The following ANKRD18A variants were observed in gnomAD, a reference collection of about 807,000 sequenced individuals.
The protein encoded by ANKRD18A is ankyrin repeat domain-containing protein 18A.
A neutral mutation model predicts 110.6 loss-of-function variants in ANKRD18A; 72 were observed. The observed-to-expected ratio is 0.65, with a 90% CI of 0.54 to 0.79. ANKRD18A has a LOEUF of 0.79. Ranked by LOEUF, ANKRD18A falls within the 30% of genes least tolerant of loss-of-function variation. The pLI is 0.00. For missense variants in ANKRD18A, 934 were observed against 1,163.3 expected (o/e 0.80, Z 2.87); for synonymous variants, 305 against 410.3 (o/e 0.74, Z 3.10).
At chr9:38,587,476 A>G (rs1824436450) in intron 11 of ANKRD18A, among the ~76,000 whole-genome samples, 1 of 152,174 alleles carries the variant, frequency 6.6e-6, no homozygotes, top group African/African-American at 2.4e-5. Context: ...TTTCTGTAAA[A>G]CAGAAGTTTA....
intron 8 of ANKRD18A, among the ~76,000 whole-genome samples, chr9:38,597,065 T>C (rs1317964374): frequency 3.3e-5 from 5 of 152,128 alleles, no homozygotes; most frequent in African/African-American, 1.2e-4. Context: ...TACTTCTAGT[T>C]CTCCATCAGA....
At chr9:38,599,501 G>A (rs1825031712) in intron 8 of ANKRD18A, among the ~76,000 whole-genome samples, 1 of 147,966 alleles carries the variant, frequency 6.8e-6, no homozygotes, top group Non-Finnish European at 1.5e-5. Flanking sequence ...TTTCACTCTT[G>A]TTGCCCAGGC....
At chr9:38,611,463 C>T in intron 3 of ANKRD18A, 142 bp from the exon 4 acceptor site, 1 of 1,430,868 alleles carries the variant, frequency 7.0e-7, no homozygotes, top group Non-Finnish European at 9.2e-7. Context: ...CCTTTCACTC[C>T]TCTGTGCTTT....
intron 1 of ANKRD18A, among the ~76,000 whole-genome samples, chr9:38,618,262 A>G (rs1391384145): frequency 6.6e-6 from 1 of 152,174 alleles, no homozygotes; most frequent in African/African-American, 2.4e-5. Flanking sequence ...GGAACAAAAA[A>G]CTTTAAAATA....
At chr9:38,573,232 C>T (rs1485603098) in intron 15 of ANKRD18A, 3 of 533,574 alleles carry the variant, frequency 5.6e-6, no homozygotes, top group Middle Eastern at 5.7e-4. Flanking sequence ...TTTTTAGTGA[C>T]TAGACATAAC....
intron 1 of ANKRD18A, among the ~76,000 whole-genome samples, chr9:38,616,529 T>G (rs1825860858): frequency 1.3e-5 from 2 of 152,264 alleles, no homozygotes; most frequent in African/African-American, 4.8e-5. Context: ...TATACCTCAC[T>G]GCAGCCTGGC....
At chr9:38,612,793 A>G (rs995360707) in intron 3 of ANKRD18A, among the ~76,000 whole-genome samples, 9 of 152,056 alleles carry the variant, frequency 5.9e-5, no homozygotes, top group African/African-American at 2.2e-4. Flanking sequence ...CTGGGATTAC[A>G]GGTGTGAGCC....
chr9:38,602,841 T>C (rs1825179222), intron 7 of ANKRD18A, among the ~76,000 whole-genome samples: 1 of 152,116 alleles, frequency 6.6e-6, no homozygotes, highest in Non-Finnish European at 1.5e-5. Context: ...CAGTTACAGT[T>C]TTTGAAAAAA....
At position 38,620,264 on chromosome 9, in the gene ANKRD18A, C is replaced by T. The variant is rs1396573893; in HGVS notation, c.22G>A (p.Gly8Arg). ...AGGAGCGCCTGGCCCAGGCGTCTCC[C>T]GAAGCTGAAGAGCTTCCTCATGGTG... MRKLFSFGRRLGQALLSS... is the reference protein window; with the variant it reads MRKLFSFRRRLGQALLSS... Residue 8 changes from glycine (G) to arginine (R), a missense_variant, in exon 1 of 16, where the codon GGG (glycine) becomes AGG (arginine). By Grantham distance (125) the Gly-to-Arg change is moderately radical. Around this residue, in one of 4 missense-constraint regions of ANKRD18A, gnomAD observed 630 missense variants for 797.5 expected, o/e 0.79. Coordinates refer to ENST00000399703, the MANE Select transcript of ANKRD18A (RefSeq NM_147195.4). The T allele has an allele frequency of 1.3e-6, 2 of 1,551,054 alleles. No individual in the cohort carries two copies. Among genetic ancestry groups the T allele is most frequent in the Non-Finnish European group, 1.7e-6 (2 of 1,146,770 alleles).
chr9:38,599,886 C>G (rs1825048422), intron 8 of ANKRD18A, among the ~76,000 whole-genome samples: 1 of 152,176 alleles, frequency 6.6e-6, no homozygotes, highest in South Asian at 2.1e-4. Flanking sequence ...TAATTTGCTT[C>G]TTTTGTTTCT....
intron 8 of ANKRD18A, among the ~76,000 whole-genome samples, chr9:38,597,623 T>A (rs1411285118): frequency 6.6e-6 from 1 of 152,120 alleles, no homozygotes; most frequent in Non-Finnish European, 1.5e-5. Flanking sequence ...CTGAATTACA[T>A]CAATTACCAG....
Position 38,586,318 on chromosome 9 carries a change from G to A in ANKRD18A, c.2118-6C>T, listed in dbSNP as rs776729651. 1 of 1,549,944 alleles carries A rather than the reference G, an allele frequency of 6.5e-7. No individual in the cohort carries two copies. The highest frequency in any genetic ancestry group is 1.4e-5 in the African/African-American group (1 of 72,416). On this transcript the variant is annotated splice_polypyrimidine_tract_variant and splice_region_variant and intron_variant, in intron 11 of 15. Transcript: ENST00000399703. ...TTTCTAGGCATTTCTTATATCTGCA[G>A]AAATGTAAGAACTAGTAAGTCAAGT...
At chr9:38,607,547 T>A (rs1825417262) in intron 5 of ANKRD18A, 54 bp from the exon 6 acceptor site, 1 of 1,220,052 alleles carries the variant, frequency 8.2e-7, no homozygotes, top group Non-Finnish European at 1.1e-6. Flanking sequence ...ATGAAAAATA[T>A]TTGCCAAACA....
intron 10 of ANKRD18A, among the ~76,000 whole-genome samples, chr9:38,593,351 G>A (rs979188286): frequency 2.6e-5 from 4 of 152,174 alleles, no homozygotes; most frequent in Admixed American, 6.5e-5. Flanking sequence ...AAATGAATAC[G>A]CACAGCTGCT....
intron 11 of ANKRD18A, among the ~76,000 whole-genome samples, chr9:38,588,069 C>T (rs891833288): frequency 1.3e-5 from 2 of 152,204 alleles, no homozygotes; most frequent in African/African-American, 4.8e-5. Flanking sequence ...GCCTGGGTGA[C>T]AGAGCCAGAC....
rs140016296 is a variant in ANKRD18A, at chr9:38,580,218, C to T, written c.2248-2070G>A. On this transcript the variant is annotated intron_variant, in intron 12 of 15. Coordinates refer to ENST00000399703, the MANE Select transcript of ANKRD18A (RefSeq NM_147195.4). Reference sequence around the variant, plus strand: ...GCCAAAAGTTCCAGAGCAGCCTGAACAACATAGAGAGACATCTCTACAAAG... The same window carrying T: ...GCCAAAAGTTCCAGAGCAGCCTGAATAACATAGAGAGACATCTCTACAAAG... Among the ~76,000 whole-genome samples the T allele has an allele frequency of 2.1e-3, 317 of 152,282 alleles. 1 individual carries two copies. The highest frequency in any genetic ancestry group is 7.5e-3 in the African/African-American group (311 of 41,552).
intron 15 of ANKRD18A, among the ~76,000 whole-genome samples, chr9:38,574,759 G>A (rs1431799899): frequency 6.6e-6 from 1 of 152,144 alleles, no homozygotes; most frequent in Non-Finnish European, 1.5e-5. Context: ...TCATTCACTT[G>A]TGATTATGGG....
rs1378114334 is a variant in ANKRD18A at position 38,586,224 on chromosome 9, G to T, written c.2206C>A (p.Gln736Lys). ...TTAAACAGAATATCCATTTTCAGTT[G>T]GTCTGTATTTAAGTCTCCATGGCAA... The part of the protein sequence containing the change: ...FSCHGDLNTD[Q>K]LKMDILFKKL... The change falls in exon 12 of 16, where the codon CAA becomes AAA. Residue 736 changes from glutamine to lysine, a missense_variant. Physicochemically the swap from Gln to Lys is moderately conservative, Grantham distance 53. Around this residue, in one of 4 missense-constraint regions of ANKRD18A, gnomAD observed 79 missense variants for 122.8 expected, o/e 0.64. Coordinates refer to ENST00000399703, the MANE Select transcript of ANKRD18A (RefSeq NM_147195.4). 1 of 1,609,686 alleles carries T rather than the reference G, an allele frequency of 6.2e-7. No individual in the cohort carries two copies. Among genetic ancestry groups the T allele is most frequent in the African/African-American group, 1.3e-5 (1 of 74,680 alleles).
chr9:38,579,859 A>G (rs1456553656), intron 12 of ANKRD18A, among the ~76,000 whole-genome samples: 3 of 152,252 alleles, frequency 2.0e-5, no homozygotes, highest in African/African-American at 7.2e-5. Flanking sequence ...ACAATAGATC[A>G]CAAGGATACT....
Sources: allele counts gnomAD v4.1 joint callset (sites outside exome capture counted in the v4.1 genomes callset), GRCh38; gene constraint gnomAD v4.1.1; regional missense constraint gnomAD v4.1.1; transcripts MANE v1.5; gene names NCBI Gene and HGNC (gene_info 2026-07-23, HGNC 2026-07-21).